ENTPD1: variants seen among roughly 807,000 people sequenced by gnomAD.
ENTPD1 encodes ATP diphosphohydrolase.
ENTPD1 carries 33 observed loss-of-function variants against 57.0 expected under a neutral mutation model. The observed-to-expected ratio is 0.58, with a 90% CI of 0.44 to 0.77. ENTPD1 has a LOEUF of 0.77. Among genes scored for constraint, ENTPD1 ranks in the 30% least tolerant of loss-of-function variants. ENTPD1 has a pLI of 0.00. For missense variants in ENTPD1, 501 were observed against 603.4 expected, an observed-to-expected ratio of 0.83 and a Z score of 1.78; for synonymous variants, 202 against 218.8, an observed-to-expected ratio of 0.92 and a Z score of 0.68.
intron 1 of ENTPD1, among the ~76,000 whole-genome samples, chr10:95,820,070 C>T (rs1455152299): frequency 2.0e-5 from 3 of 152,176 alleles, no homozygotes; most frequent in Admixed American, 6.5e-5. Flanking sequence ...TTTATGAACA[C>T]ATCCAAGATA....
chr10:95,756,899 G>A (rs1003423584), intron 1 of ENTPD1, among the ~76,000 whole-genome samples: 1 of 152,138 alleles, frequency 6.6e-6, no homozygotes, highest in African/African-American at 2.4e-5. Context: ...AAAAGGGCAG[G>A]TCACATCTGA....
In ENTPD1 at chr10:95,724,586, G is replaced by A. The variant is rs923574981; in HGVS notation, c.37+12593G>A. ...GACTAGTGTTCAGCTCAACTAGGACGAACCTGGGCACTTAGCCATGCAGGA... is the reference window on the plus strand; with the variant it reads ...GACTAGTGTTCAGCTCAACTAGGACAAACCTGGGCACTTAGCCATGCAGGA... On this transcript the variant is annotated intron_variant, in intron 1 of 9. Coordinates refer to the ENTPD1 transcript ENST00000453258. Among the ~76,000 whole-genome samples, 8 of 152,174 alleles carry A rather than the reference G, an allele frequency of 5.3e-5. No individual in the cohort carries two copies. In the East Asian group the frequency reaches 1.3e-3, roughly 26 times the overall value.
chr10:95,866,543 G>GTA lies in ENTPD1; in HGVS notation c.*162_*163dup. On this transcript the variant is annotated 3_prime_UTR_variant, in exon 10 of 10. Coordinates refer to ENST00000371205, the MANE Select transcript of ENTPD1 (RefSeq NM_001776.6). The stretch of plus-strand genomic sequence containing the variant: ...TTTTACTGAAGCCTTTCTTTTGGAG[G>GTA]TATTCAATATCCTTTGCCTCAAGGA... 6.6e-7 allele frequency: 1 copy of GTA among 1,506,648 alleles called. No homozygotes were observed. Among genetic ancestry groups the GTA allele is most frequent in the South Asian group, 1.3e-5 (1 of 79,142 alleles). 93.3% of individuals were successfully genotyped at this position (1,506,648 alleles called of 1,614,324 possible).
chr10:95,755,816 T>A (rs1159142843), upstream of ENTPD1: 3 of 1,518,844 alleles, frequency 2.0e-6, no homozygotes, highest in African/African-American at 4.1e-5. Flanking sequence ...AGGAATAGCT[T>A]TTTTTGCTTG....
chr10:95,854,208 G>A (rs2098450352), intron 7 of ENTPD1, among the ~76,000 whole-genome samples: 1 of 152,178 alleles, frequency 6.6e-6, no homozygotes, highest in African/African-American at 2.4e-5. Context: ...AGATTTTCTA[G>A]TTTATTTGCA....
At chr10:95,739,741 T>C (rs2097998337) in intron 1 of ENTPD1, among the ~76,000 whole-genome samples, 1 of 152,224 alleles carries the variant, frequency 6.6e-6, no homozygotes, top group African/African-American at 2.4e-5. Flanking sequence ...ATGTTCTTAA[T>C]GGTATCTAGA....
At chr10:95,825,210 T>C (rs540937842) in intron 2 of ENTPD1, among the ~76,000 whole-genome samples, 1 of 152,336 alleles carries the variant, frequency 6.6e-6, no homozygotes, top group South Asian at 2.1e-4. Flanking sequence ...GGCTACTGTA[T>C]TGGACAACAC....
chr10:95,760,625 T>G (rs1306735019), intron 1 of ENTPD1, among the ~76,000 whole-genome samples: 1 of 152,138 alleles, frequency 6.6e-6, no homozygotes, highest in African/African-American at 2.4e-5. Flanking sequence ...TTGCCTTTAC[T>G]TGGTCAAATT....
At chr10:95,822,353 G>GT (rs2140547353) in intron 1 of ENTPD1, among the ~76,000 whole-genome samples, 1 of 151,840 alleles carries the variant, frequency 6.6e-6, no homozygotes, top group African/African-American at 2.4e-5. Flanking sequence ...CTGGAGTGCA[G>GT]TGGTGCGATC....
intron 1 of ENTPD1, among the ~76,000 whole-genome samples, chr10:95,748,342 A>G (rs115946938): frequency 0.037 from 5,677 of 152,318 alleles, 130 homozygotes; most frequent in Non-Finnish European, 0.049. Context: ...AATACCCCAT[A>G]TAACCACTGC....
At chr10:95,720,385 G>A (rs1405891832) in intron 1 of ENTPD1, among the ~76,000 whole-genome samples, 3 of 152,130 alleles carry the variant, frequency 2.0e-5, no homozygotes, top group African/African-American at 7.2e-5. Context: ...AGGGGAGTGG[G>A]GCTTTCAGGC....
rs115048720 is a variant in ENTPD1 at position 95,815,918 on chromosome 10, C to T, written c.17-7319C>T. On this transcript the variant is annotated intron_variant, in intron 1 of 9. Coordinates refer to ENST00000371205, the MANE Select transcript of ENTPD1 (RefSeq NM_001776.6). ...TGTGATCCTAGGACTTTATAGGCGG[C>T]CATCTTGAGCCCTTTTCCCGTGATT... Among the ~76,000 whole-genome samples, 293 of 152,306 alleles carry T rather than the reference C, an allele frequency of 1.9e-3. 1 individual carries two copies. Among genetic ancestry groups the T allele is most frequent in the African/African-American group, 6.7e-3 (279 of 41,560 alleles).
Position 95,866,529 on chromosome 10 carries a change from C to G in ENTPD1, c.*146C>G. The G allele has an allele frequency of 2.0e-6, 3 of 1,519,396 alleles. No individual in the cohort carries two copies. Among genetic ancestry groups the G allele is most frequent in the South Asian group, 2.5e-5 (2 of 81,360 alleles). 94.1% of individuals were successfully genotyped at this position (1,519,396 alleles called of 1,614,324 possible). ...GAAGCTTCCTTGGCTTTTACTGAAG[C>G]CTTTCTTTTGGAGGTATTCAATATC... On this transcript the variant is annotated 3_prime_UTR_variant, in exon 10 of 10. Coordinates refer to ENST00000371205, the MANE Select transcript of ENTPD1 (RefSeq NM_001776.6).
intron 1 of ENTPD1, among the ~76,000 whole-genome samples, chr10:95,789,623 G>A (rs3929900): frequency 0.5 from 76,221 of 151,762 alleles, 19,612 homozygotes; most frequent in Admixed American, 0.6. Flanking sequence ...TTAGGTAAAA[G>A]GTATGTCATG....
intron 1 of ENTPD1, among the ~76,000 whole-genome samples, chr10:95,745,078 A>G (rs1200843423): frequency 1.3e-5 from 2 of 152,226 alleles, no homozygotes; most frequent in African/African-American, 4.8e-5. Flanking sequence ...TTGTTTGAAA[A>G]TGAGTATCTT....
upstream of ENTPD1, chr10:95,755,463 G>A: frequency 3.8e-6 from 2 of 526,090 alleles, no homozygotes; most frequent in Non-Finnish European, 6.8e-6. Context: ...GGGTAATCTT[G>A]ACGGTCTGGA....
At chr10:95,775,036 G>A (rs1222902006) in intron 1 of ENTPD1, among the ~76,000 whole-genome samples, 5 of 151,986 alleles carry the variant, frequency 3.3e-5, no homozygotes, top group African/African-American at 1.2e-4. Flanking sequence ...CTCCTTTAAG[G>A]GGTCCTTTAC....
At position 95,866,459 on chromosome 10, in the gene ENTPD1, C is replaced by A; in HGVS notation, c.*76C>A. The A allele has an allele frequency of 6.3e-7, 1 of 1,584,082 alleles. No individual in the cohort carries two copies. Among genetic ancestry groups the A allele is most frequent in the South Asian group, 1.1e-5 (1 of 87,468 alleles). ...GAGCATTTTCCTCCATCGCAGTGTT[C>A]AAGGCCATCCTTCCCTGTCTGCCAG... On this transcript the variant is annotated 3_prime_UTR_variant, in exon 10 of 10. Transcript: ENST00000371205.
rs182040841 is a variant in ENTPD1, at chr10:95,871,008, C to T, written c.*4625C>T. On this transcript the variant is annotated 3_prime_UTR_variant, in exon 10 of 10. Transcript: ENST00000371205. ...AGGGATATGTTCTCATGATGAACCC[C>T]GCAGAGGCTCGTGAAAGTGAGAGGA... 290 of 985,360 alleles carry T rather than the reference C, an allele frequency of 2.9e-4. No homozygotes were observed. Among genetic ancestry groups the T allele is most frequent in the African/African-American group, 2.4e-3 (139 of 57,332 alleles). The allele number at this position is 985,360 out of a possible 1,614,324, so 61.0% of individuals were successfully genotyped here.
Sources: gnomAD v4.1 joint callset for allele counts (sites outside exome capture counted in the v4.1 genomes callset) on GRCh38, gnomAD v4.1.1 for gene constraint, MANE v1.5 for transcripts, NCBI Gene and HGNC (gene_info 2026-07-23, HGNC 2026-07-21) for gene names.